The following HMGA2 variants were observed in gnomAD, a reference collection of about 807,000 sequenced individuals.
The protein encoded by HMGA2 is high mobility group protein HMGI-C.
Under a neutral mutation model 19.1 loss-of-function variants are expected in HMGA2, and 8 were observed. That is an observed-to-expected ratio of 0.42 (90% CI 0.25 to 0.76). HMGA2 has a LOEUF of 0.76. HMGA2 is among the 30% of genes least tolerant of loss of function. The pLI is 0.28. For missense variants in HMGA2, 109 were observed against 136.3 expected (o/e 0.80, Z 1.00); for synonymous variants, 60 against 48.8 (o/e 1.23, Z -0.96).
intron 3 of HMGA2, among the ~76,000 whole-genome samples, chr12:65,890,897 A>AT (rs907453287): frequency 6.6e-6 from 1 of 151,438 alleles, no homozygotes; most frequent in African/African-American, 2.4e-5. Flanking sequence ...CTTTTTTTGC[A>AT]TTTTTTGTAG....
chr12:65,863,442 T>A (rs1872217078), intron 3 of HMGA2, among the ~76,000 whole-genome samples: 1 of 151,974 alleles, frequency 6.6e-6, no homozygotes, highest in Non-Finnish European at 1.5e-5. Flanking sequence ...AGGGCACAAG[T>A]GCAAGTCCTG....
chr12:65,885,489 C>A (rs113471984), intron 3 of HMGA2, among the ~76,000 whole-genome samples: 63 of 152,200 alleles, frequency 4.1e-4, no homozygotes, highest in Middle Eastern at 3.4e-3. Flanking sequence ...AGTTTTTGTT[C>A]TTTTCCATTT....
chr12:65,880,491 T>C (rs533072404), intron 3 of HMGA2, among the ~76,000 whole-genome samples: 26 of 152,184 alleles, frequency 1.7e-4, no homozygotes, highest in Non-Finnish European at 3.2e-4. Flanking sequence ...TAGAGCTATA[T>C]GGGAAATTAG....
chr12:65,854,947 A>G (rs963767655), intron 3 of HMGA2, among the ~76,000 whole-genome samples: 11 of 152,198 alleles, frequency 7.2e-5, no homozygotes, highest in African/African-American at 2.7e-4. Context: ...GCAAAATCAT[A>G]GGTGGGCTTT....
intron 3 of HMGA2, among the ~76,000 whole-genome samples, chr12:65,897,838 T>C (rs1029576372): frequency 7.2e-5 from 11 of 151,908 alleles, no homozygotes; most frequent in African/African-American, 2.7e-4. Flanking sequence ...CACGCCCCTG[T>C]TGTAATCCCA....
intron 3 of HMGA2, among the ~76,000 whole-genome samples, chr12:65,895,842 G>A (rs1874105273): frequency 6.6e-6 from 1 of 152,286 alleles, no homozygotes; most frequent in South Asian, 2.1e-4. Flanking sequence ...TAGTACACTC[G>A]ATTCAGTATT....
chr12:65,931,722 C>T (rs565841233), intron 3 of HMGA2, among the ~76,000 whole-genome samples: 4 of 152,096 alleles, frequency 2.6e-5, no homozygotes, highest in East Asian at 1.9e-4. Flanking sequence ...AGTGGATGGG[C>T]GCCAGAACGA....
At chr12:65,842,606 GC>G in intron 3 of HMGA2, 1 of 1,535,240 alleles carries the variant, frequency 6.5e-7, no homozygotes. Context: ...GTTTTACATT[GC>G]AGCTTAGAAG....
At chr12:65,898,410 G>A (rs542072484) in intron 3 of HMGA2, among the ~76,000 whole-genome samples, 1 of 152,216 alleles carries the variant, frequency 6.6e-6, no homozygotes, top group South Asian at 2.1e-4. Flanking sequence ...CAACTTGAAA[G>A]GTGGAGCTTC....
chr12:65,859,441 A>G (rs1431611725), intron 3 of HMGA2: 1 of 152,254 alleles, frequency 6.6e-6, no homozygotes, highest in African/African-American at 2.4e-5. Context: ...CTGGGTCTTC[A>G]TTTGTGGTTA....
rs1870103344 is a variant in HMGA2, at chr12:65,825,416, C to A, written c.111+35C>A. ...AGGGCGCGGTGGGGGCACCAGCCCA[C>A]CCCGTCCCCACTGCCGGGGCCCAGA... On this transcript the variant is annotated intron_variant, in intron 1 of 4. Coordinates refer to ENST00000403681, the MANE Select transcript of HMGA2 (RefSeq NM_003483.6). The surrounding 1 kb of genome is among the most constrained non-coding windows in gnomAD (Gnocchi z 4.4). The A allele has an allele frequency of 6.9e-7, 1 of 1,440,802 alleles. No homozygotes were observed. 89.3% of individuals were successfully genotyped at this position (1,440,802 alleles called of 1,614,324 possible).
intron 3 of HMGA2, among the ~76,000 whole-genome samples, chr12:65,916,126 G>A (rs1331149441): frequency 2.6e-5 from 4 of 152,202 alleles, no homozygotes; most frequent in African/African-American, 9.7e-5. Context: ...CCACAGAACA[G>A]TAAGGGAGTG....
intron 3 of HMGA2, chr12:65,866,998 T>C (rs1235480576): frequency 4.4e-6 from 2 of 455,650 alleles, no homozygotes; most frequent in Admixed American, 4.7e-5. Context: ...GAGAAATCAG[T>C]TCTGATTTTC....
intron 3 of HMGA2, chr12:65,915,096 C>T (rs1875030069): frequency 6.2e-7 from 1 of 1,613,794 alleles, no homozygotes; most frequent in Non-Finnish European, 8.5e-7. Flanking sequence ...AAGAAGAAAA[C>T]ATCTCTGGGA....
chr12:65,856,669 C>T (rs1207839553), intron 3 of HMGA2: 1 of 152,374 alleles, frequency 6.6e-6, no homozygotes, highest in Non-Finnish European at 1.5e-5. Flanking sequence ...AGTCTGACAT[C>T]ATGGTGTTGG....
intron 3 of HMGA2, among the ~76,000 whole-genome samples, chr12:65,897,452 T>C (rs12423095): frequency 0.044 from 6,654 of 152,266 alleles, 384 homozygotes; most frequent in South Asian, 0.25. Context: ...TGGAAATAAA[T>C]AGTACATTAG....
At chr12:65,927,172 T>C (rs1202318335) in intron 3 of HMGA2, among the ~76,000 whole-genome samples, 1 of 152,232 alleles carries the variant, frequency 6.6e-6, no homozygotes, top group Non-Finnish European at 1.5e-5. Flanking sequence ...TTTTACAAAA[T>C]GGCCCCTTTC....
At chr12:65,948,333 A>AGTCG (rs1333511458) in intron 3 of HMGA2, 1 of 152,228 alleles carries the variant, frequency 6.6e-6, no homozygotes, top group Non-Finnish European at 1.5e-5. Flanking sequence ...TCTAGTGGCC[A>AGTCG]GTCGTGTTTT....
intron 3 of HMGA2, among the ~76,000 whole-genome samples, chr12:65,925,443 G>A (rs905361077): frequency 6.6e-6 from 1 of 152,154 alleles, no homozygotes; most frequent in Non-Finnish European, 1.5e-5. Context: ...TGCAGCTTAG[G>A]CGTTTAATTA....
Sources: gnomAD v4.1 joint callset for allele counts (sites outside exome capture counted in the v4.1 genomes callset) on GRCh38, gnomAD v4.1.1 for gene constraint, Gnocchi (gnomAD v3.1) non-coding constraint, MANE v1.5 for transcripts, NCBI Gene and HGNC (gene_info 2026-07-23, HGNC 2026-07-21) for gene names.